GPHN: variants seen among roughly 807,000 people sequenced by gnomAD.
GPHN encodes the protein gephyrin.
In GPHN, 17 loss-of-function variants were observed where a neutral mutation model predicts 95.5. The ratio of observed to expected loss-of-function variants is 0.18; its 90% confidence interval spans 0.12 to 0.27. The LOEUF (loss-of-function observed/expected upper bound fraction) is 0.27, where lower values mean the gene tolerates loss of function less well. GPHN is among the 10% of genes least tolerant of loss of function. The pLI, the probability that GPHN is intolerant of heterozygous loss-of-function variation, is 1.00. For missense variants in GPHN, 660 were observed against 978.1 expected (o/e 0.67, Z 4.34); for synonymous variants, 320 against 322.5 (o/e 0.99, Z 0.08).
intron 4 of GPHN, among the ~76,000 whole-genome samples, chr14:66,871,529 G>A (rs2063433509): frequency 6.6e-6 from 1 of 152,170 alleles, no homozygotes; most frequent in South Asian, 2.1e-4. Context: ...CCTCCATAAA[G>A]CAATTTATAA....
chr14:67,512,140 T>A, the GPHN span, among the ~76,000 whole-genome samples: 2 of 152,168 alleles, frequency 1.3e-5, no homozygotes, highest in African/African-American at 2.4e-5. Flanking sequence ...TGCTCTTAAA[T>A]CCCAGGAAAG....
chr14:67,600,259 T>C, the GPHN span: 31 of 1,418,454 alleles, frequency 2.2e-5, no homozygotes, highest in Middle Eastern at 1.8e-4. Context: ...TCGCCGGCCC[T>C]GGCCGTCTCG....
intron 1 of GPHN, among the ~76,000 whole-genome samples, chr14:66,612,262 T>C (rs960089847): frequency 6.6e-6 from 1 of 152,006 alleles, no homozygotes; most frequent in Non-Finnish European, 1.5e-5. Context: ...TAAAAATGTT[T>C]TCTTCTAACT....
At chr14:67,429,946 C>G in the GPHN span, among the ~76,000 whole-genome samples, 1 of 152,072 alleles carries the variant, frequency 6.6e-6, no homozygotes, top group Non-Finnish European at 1.5e-5. Flanking sequence ...CAAGAGATTC[C>G]AAGAGATTAA....
At chr14:67,061,831 T>G (rs796512406) in intron 11 of GPHN, among the ~76,000 whole-genome samples, 13 of 152,272 alleles carry the variant, frequency 8.5e-5, no homozygotes, top group African/African-American at 3.1e-4. Context: ...ATATAGTTTT[T>G]GCTTGGAAAA....
At chr14:66,868,396 C>A (rs2063306085) in intron 4 of GPHN, among the ~76,000 whole-genome samples, 1 of 151,922 alleles carries the variant, frequency 6.6e-6, no homozygotes, top group Non-Finnish European at 1.5e-5. Context: ...ATTATATGTT[C>A]TTTACGGGTT....
rs1462457462 is a variant in GPHN, at chr14:66,639,469, A to G, written c.65-41638A>G. Among the ~76,000 whole-genome samples the G allele has an allele frequency of 2.0e-5, 3 of 152,180 alleles. No individual in the cohort carries two copies. In the East Asian group the frequency reaches 5.8e-4, roughly 29 times the overall value. On this transcript the variant is annotated intron_variant, in intron 1 of 22. Coordinates refer to ENST00000478722, the MANE Select transcript of GPHN (RefSeq NM_020806.5). ...ATGAAGCGTTAGTTGCATTTAGAAG[A>G]CATTGAATACATATACATTCAAAAC...
chr14:67,657,679 G>A, the GPHN span, among the ~76,000 whole-genome samples: 1 of 151,910 alleles, frequency 6.6e-6, no homozygotes, highest in South Asian at 2.1e-4. Context: ...AGTGACCACT[G>A]GCAGTAGGAC....
At chr14:67,573,243 C>G in the GPHN span, 1 of 1,370,718 alleles carries the variant, frequency 7.3e-7, no homozygotes, top group South Asian at 1.2e-5. The surrounding 1 kb of genome is among the most constrained non-coding windows in gnomAD (Gnocchi z 4.8). Context: ...GAGTGATTTC[C>G]CCTTTCTTCA....
intron 18 of GPHN, among the ~76,000 whole-genome samples, chr14:67,146,445 C>T (rs1345405573): frequency 6.6e-6 from 1 of 152,184 alleles, no homozygotes; most frequent in East Asian, 1.9e-4. Context: ...TATAAGTTTT[C>T]TTCGACCTAC....
At chr14:67,012,310 T>G (rs542072130) in intron 9 of GPHN, among the ~76,000 whole-genome samples, 1 of 152,264 alleles carries the variant, frequency 6.6e-6, no homozygotes, top group East Asian at 2.0e-4. Flanking sequence ...TGCAGAAATT[T>G]ATTTATGGTA....
the GPHN span, among the ~76,000 whole-genome samples, chr14:67,559,887 T>C: frequency 6.6e-6 from 1 of 152,220 alleles, no homozygotes; most frequent in Admixed American, 6.5e-5. Context: ...TGGGTCTCCC[T>C]GGAGCTCCTG....
At chr14:67,674,272 G>A in the GPHN span, 1 of 1,108,242 alleles carries the variant, frequency 9.0e-7, no homozygotes, top group Non-Finnish European at 1.2e-6. Context: ...TGAGGACGCG[G>A]AGGGAGGAGA....
chr14:67,587,238 A>G, the GPHN span: 1 of 1,613,472 alleles, frequency 6.2e-7, no homozygotes, highest in Admixed American at 1.7e-5. Context: ...TGCTGTGAAT[A>G]TTTCTCCTAC....
At chr14:67,645,562 A>G in the GPHN span, 1 of 1,497,530 alleles carries the variant, frequency 6.7e-7, no homozygotes, top group East Asian at 2.3e-5. Flanking sequence ...GAGAGAGTAT[A>G]AGTTGTTTTG....
At chr14:66,517,911 C>G (rs1331828525) in intron 1 of GPHN, among the ~76,000 whole-genome samples, 1 of 151,694 alleles carries the variant, frequency 6.6e-6, no homozygotes, top group Non-Finnish European at 1.5e-5. Flanking sequence ...ACCTCAAAAG[C>G]ACAGGCAAAA....
the GPHN span, among the ~76,000 whole-genome samples, chr14:67,246,724 C>T: frequency 2.8e-5 from 4 of 144,180 alleles, no homozygotes; most frequent in South Asian, 2.2e-4. Flanking sequence ...GATATCAGCT[C>T]ACTGCAACTT....
At chr14:67,132,866 TATG>T (rs2079809207) in intron 17 of GPHN, among the ~76,000 whole-genome samples, 1 of 151,136 alleles carries the variant, frequency 6.6e-6, no homozygotes, top group African/African-American at 2.4e-5. Context: ...TATATAAATA[TATG>T]ATATATATTT....
chr14:66,860,734 C>T (rs889098528), intron 4 of GPHN, among the ~76,000 whole-genome samples: 1 of 151,682 alleles, frequency 6.6e-6, no homozygotes, highest in African/African-American at 2.4e-5. Flanking sequence ...AGTTAAAAAG[C>T]GGGGACACAA....
Sources: allele counts gnomAD v4.1 joint callset (sites outside exome capture counted in the v4.1 genomes callset), GRCh38; gene constraint gnomAD v4.1.1; non-coding constraint Gnocchi (gnomAD v3.1); transcripts MANE v1.5; gene names NCBI Gene and HGNC (gene_info 2026-07-23, HGNC 2026-07-21).